The following NEK4 variants were observed in gnomAD, a reference collection of about 807,000 sequenced individuals.
NEK4 encodes NIMA related kinase 4.
NEK4 carries 86 observed loss-of-function variants against 98.4 expected under a neutral mutation model. That is an observed-to-expected ratio of 0.87 (90% CI 0.73 to 1.05). NEK4 has a LOEUF of 1.05. Ranked by LOEUF, NEK4 falls within the 50% of genes least tolerant of loss-of-function variation. The pLI, the probability that NEK4 is intolerant of heterozygous loss-of-function variation, is 0.00. For synonymous variants in NEK4, 328 were observed against 342.2 expected, an observed-to-expected ratio of 0.96 and a Z score of 0.46; for missense variants, 898 against 950.3, an observed-to-expected ratio of 0.94 and a Z score of 0.72.
At chr3:52,758,755 C>T (rs1295720400) in intron 6 of NEK4, among the ~76,000 whole-genome samples, 1 of 152,012 alleles carries the variant, frequency 6.6e-6, no homozygotes, top group Non-Finnish European at 1.5e-5. Flanking sequence ...GTATCTGGAA[C>T]ACAGATCGAG....
At chr3:52,743,510 T>G (rs763314691) in intron 11 of NEK4, 49 bp from the exon 12 acceptor site, 2 of 1,420,062 alleles carry the variant, frequency 1.4e-6, no homozygotes, top group South Asian at 2.3e-5. Flanking sequence ...GCTGCCCCAG[T>G]TGAAAAGGGC....
At chr3:52,741,191 G>A (rs1578656168) in intron 13 of NEK4, among the ~76,000 whole-genome samples, 1 of 145,028 alleles carries the variant, frequency 6.9e-6, no homozygotes, top group Non-Finnish European at 1.5e-5. Context: ...AGCGGAGATT[G>A]TGCCACTGCA....
chr3:52,761,913 A>G (rs769054905), intron 5 of NEK4, among the ~76,000 whole-genome samples: 28 of 152,204 alleles, frequency 1.8e-4, no homozygotes, highest in Non-Finnish European at 3.2e-4. Flanking sequence ...AACATCCCCA[A>G]CTATTTTAGT....
At chr3:52,733,428 A>G (rs1422552002) in intron 15 of NEK4, 1 of 388,980 alleles carries the variant, frequency 2.6e-6, no homozygotes, top group African/African-American at 2.1e-5. Context: ...CTTGTAATCC[A>G]TTCTGGAGAA....
At chr3:52,727,468 C>T (rs144159235) in intron 15 of NEK4, among the ~76,000 whole-genome samples, 181 of 152,316 alleles carry the variant, frequency 1.2e-3, no homozygotes, top group African/African-American at 4.1e-3. Context: ...CTAAAATTCC[C>T]AAATTTGTGG....
chr3:52,765,365 CA>C (rs1022765705), intron 4 of NEK4, among the ~76,000 whole-genome samples: 26 of 134,172 alleles, frequency 1.9e-4, no homozygotes, highest in Admixed American at 1.1e-3. Flanking sequence ...AAAAAAAAAA[CA>C]AAAAAAAAAA....
At chr3:52,753,439 C>T in intron 6 of NEK4, 1 of 371,244 alleles carries the variant, frequency 2.7e-6, no homozygotes, top group Non-Finnish European at 5.2e-6. Flanking sequence ...AGGTGAGGCA[C>T]AATGCCCGGA....
intron 5 of NEK4, among the ~76,000 whole-genome samples, chr3:52,762,552 G>A (rs1374767015): frequency 6.6e-6 from 1 of 152,136 alleles, no homozygotes; most frequent in Non-Finnish European, 1.5e-5. Flanking sequence ...TGTATTTGAA[G>A]ACTGGGAGAA....
chr3:52,755,625 G>A (rs1020533982), intron 6 of NEK4, among the ~76,000 whole-genome samples: 8 of 151,902 alleles, frequency 5.3e-5, no homozygotes, highest in African/African-American at 1.9e-4. Flanking sequence ...TCTAAGATCA[G>A]GAACAAGGCA....
chr3:52,755,012 T>A (rs1452252110), intron 6 of NEK4, among the ~76,000 whole-genome samples: 6 of 147,290 alleles, frequency 4.1e-5, no homozygotes, highest in Admixed American at 6.9e-5. Context: ...AGGCAGAGCT[T>A]GCAGTGAGCC....
intron 4 of NEK4, among the ~76,000 whole-genome samples, chr3:52,765,664 T>C (rs1698531928): frequency 6.6e-6 from 1 of 152,188 alleles, no homozygotes; most frequent in Non-Finnish European, 1.5e-5. Flanking sequence ...CCAATTCTTT[T>C]GAGCCATTAA....
chr3:52,737,923 C>T (rs1288432377), intron 14 of NEK4, among the ~76,000 whole-genome samples: 2 of 152,132 alleles, frequency 1.3e-5, no homozygotes, highest in Admixed American at 1.3e-4. Context: ...ATGCCATTCT[C>T]CTGCCTCAGC....
Position 52,746,202 on chromosome 3 carries a change from C to T in NEK4, c.1686G>A (p.Glu562=), listed in dbSNP as rs1305848662. The T allele has an allele frequency of 1.9e-6, 3 of 1,613,664 alleles. No homozygotes were observed. The Admixed American group carries it at 5.0e-5, about 27-fold the overall frequency. ...GAGAAGGCAAAAATCGAGGAGGCGA[C>T]TCTTGGAACTTAAATAATTAAAAAA... The part of the protein sequence containing the change: ...QVRRDLFAFQ[E]SPPRFLPSHP... The change falls in exon 10 of 16, where the codon GAG becomes GAA. Residue 562 remains glutamate (E), a synonymous_variant. Coordinates refer to ENST00000233027, the MANE Select transcript of NEK4 (RefSeq NM_003157.6).
intron 12 of NEK4, 117 bp downstream of exon 12, chr3:52,743,235 G>T: frequency 1.4e-6 from 1 of 726,578 alleles, no homozygotes; most frequent in Non-Finnish European, 2.4e-6. Context: ...AGAGTGAAAA[G>T]ATATAACAAG....
intron 6 of NEK4, among the ~76,000 whole-genome samples, chr3:52,758,012 C>T (rs1003808376): frequency 6.6e-6 from 1 of 151,750 alleles, no homozygotes; most frequent in African/African-American, 2.4e-5. Flanking sequence ...CCTGTCTCTA[C>T]TAAAAATACA....
intron 15 of NEK4, among the ~76,000 whole-genome samples, chr3:52,725,880 A>T (rs1026698268): frequency 5.9e-5 from 9 of 152,200 alleles, no homozygotes; most frequent in African/African-American, 1.7e-4. Flanking sequence ...ATCAATAATT[A>T]CTTTAAATGT....
At chr3:52,713,493 T>A (rs1304109902) in intron 15 of NEK4, among the ~76,000 whole-genome samples, 1 of 152,170 alleles carries the variant, frequency 6.6e-6, no homozygotes, top group Non-Finnish European at 1.5e-5. Context: ...TGGCCCCTAT[T>A]CCTCAAAAAT....
rs927007108 is a variant in NEK4 at position 52,768,724 on chromosome 3, C to T, written c.94-120G>A. On this transcript the variant is annotated intron_variant, in intron 1 of 15. Coordinates refer to ENST00000233027, the MANE Select transcript of NEK4 (RefSeq NM_003157.6). ...CAACCTTGTGGAGCCTGTCAGATAACCTATTCATTTTGTTTTTCACCAAGC... is the reference window on the plus strand; with the variant it reads ...CAACCTTGTGGAGCCTGTCAGATAATCTATTCATTTTGTTTTTCACCAAGC... The T allele has an allele frequency of 3.6e-6, 3 of 838,774 alleles. No individual in the cohort carries two copies. The African/African-American group carries it at 5.1e-5, about 14-fold the overall frequency. The allele number at this position is 838,774 out of a possible 1,614,324, so 52.0% of individuals were successfully genotyped here. A position where few individuals can be genotyped will look rare whatever the true frequency, so the allele number is the denominator to read the frequency against.
At chr3:52,726,865 T>C (rs536323242) in intron 15 of NEK4, among the ~76,000 whole-genome samples, 8 of 147,794 alleles carry the variant, frequency 5.4e-5, no homozygotes, top group South Asian at 4.4e-4. Context: ...GATGGCGCCA[T>C]TGCACTCCAG....
Sources: gnomAD v4.1 joint callset for allele counts (sites outside exome capture counted in the v4.1 genomes callset) on GRCh38, gnomAD v4.1.1 for gene constraint, MANE v1.5 for transcripts, NCBI Gene and HGNC (gene_info 2026-07-23, HGNC 2026-07-21) for gene names.